Variants in SCRG1 observed in about 807,000 individuals in gnomAD.
SCRG1 encodes the protein stimulator of chondrogenesis 1.
Under a neutral mutation model 7.7 loss-of-function variants are expected in SCRG1, and 3 were observed. That is an observed-to-expected ratio of 0.39 (90% CI 0.18 to 1.01). SCRG1 has a LOEUF of 1.01. SCRG1 is among the 50% of genes least tolerant of loss of function. The pLI is 0.36. For missense variants in SCRG1, 110 were observed against 117.2 expected, an observed-to-expected ratio of 0.94 and a Z score of 0.28; for synonymous variants, 46 against 41.2, an observed-to-expected ratio of 1.12 and a Z score of -0.44.
At chr4:173,408,477 G>A (rs961349134), upstream of SCRG1, among the ~76,000 whole-genome samples, 1 of 152,098 alleles carries the variant, frequency 6.6e-6, no homozygotes, top group African/African-American at 2.4e-5. Context: ...TGGCTCAAGT[G>A]TAAATATCTT....
At chr4:173,508,696 C>T in the SCRG1 span, among the ~76,000 whole-genome samples, 1 of 152,190 alleles carries the variant, frequency 6.6e-6, no homozygotes, top group Non-Finnish European at 1.5e-5. The surrounding 1 kb of genome is among the most constrained non-coding windows in gnomAD (Gnocchi z 4.4). Flanking sequence ...TACATTTCCC[C>T]ACCTCCTACC....
At chr4:173,434,296 A>T in the SCRG1 span, among the ~76,000 whole-genome samples, 1 of 152,220 alleles carries the variant, frequency 6.6e-6, no homozygotes, top group Non-Finnish European at 1.5e-5. Context: ...GGGGGGTGGT[A>T]AAAAGTAGAA....
chr4:173,390,509 G>C (rs1293369533), intron 2 of SCRG1, among the ~76,000 whole-genome samples: 1 of 116,448 alleles, frequency 8.6e-6, no homozygotes, highest in Non-Finnish European at 1.7e-5. Flanking sequence ...TTTCACTCTT[G>C]TCACCCAGGC....
the SCRG1 span, among the ~76,000 whole-genome samples, chr4:173,478,625 G>C: frequency 6.6e-6 from 1 of 152,108 alleles, no homozygotes; most frequent in East Asian, 1.9e-4. Flanking sequence ...GGGAATTAAA[G>C]GCATGTACTC....
the SCRG1 span, among the ~76,000 whole-genome samples, chr4:173,478,778 G>A: frequency 3.3e-5 from 5 of 152,142 alleles, no homozygotes; most frequent in East Asian, 5.8e-4. Context: ...GGAAGATGAC[G>A]AAAGGAAAAT....
chr4:173,423,035 C>T, the SCRG1 span, among the ~76,000 whole-genome samples: 269 of 152,138 alleles, frequency 1.8e-3, no homozygotes, highest in African/African-American at 6.2e-3. Context: ...AAGGAGACTT[C>T]GGTGATTCAC....
the SCRG1 span, among the ~76,000 whole-genome samples, chr4:173,490,384 A>T: frequency 2.6e-5 from 4 of 152,278 alleles, no homozygotes; most frequent in South Asian, 4.1e-4. Context: ...TGGTTCAGGA[A>T]TTGCTTCATT....
the SCRG1 span, among the ~76,000 whole-genome samples, chr4:173,436,614 T>C: frequency 6.6e-6 from 1 of 151,622 alleles, no homozygotes; most frequent in Non-Finnish European, 1.5e-5. Flanking sequence ...CTATGGGTTC[T>C]TTTTTTTTGG....
At position 173,386,904 on chromosome 4, in the gene SCRG1, AG is replaced by A. The variant is rs1330199881; in HGVS notation, c.*1436del. 7.2e-5 allele frequency: 11 copies of A among 152,366 alleles called. No individual in the cohort carries two copies. Among genetic ancestry groups the A allele is most frequent in the African/African-American group, 2.4e-4 (10 of 41,590 alleles). The allele number at this position is 152,366 out of a possible 1,614,324, so 9.4% of individuals were successfully genotyped here. On this transcript the variant is annotated 3_prime_UTR_variant, in exon 3 of 3. Coordinates refer to ENST00000296506, the MANE Select transcript of SCRG1 (RefSeq NM_007281.4). ...CAGATCTTAATAATGGCTGGCACTT[AG>A]CAGGCTTTGAATACATTTTTATAAC...
At chr4:173,487,538 T>C in the SCRG1 span, among the ~76,000 whole-genome samples, 4 of 152,306 alleles carry the variant, frequency 2.6e-5, no homozygotes, top group Non-Finnish European at 4.4e-5. Flanking sequence ...TCCTTATTCA[T>C]TGAGAGTAAT....
chr4:173,508,876 T>C, the SCRG1 span, among the ~76,000 whole-genome samples: 34 of 152,124 alleles, frequency 2.2e-4, no homozygotes, highest in South Asian at 6.9e-3. This position sits in a 1 kb window ranked among gnomAD's most constrained non-coding sequence, Gnocchi z 4.4. Context: ...GCCGCTACAT[T>C]TGTTGGGCGG....
chr4:173,408,043 G>A (rs986757544), upstream of SCRG1, among the ~76,000 whole-genome samples: 1 of 152,108 alleles, frequency 6.6e-6, no homozygotes, highest in Admixed American at 6.5e-5. Context: ...ACTAAAACTT[G>A]CTCCCTTTAT....
chr4:173,436,882 C>T, the SCRG1 span, among the ~76,000 whole-genome samples: 1 of 152,168 alleles, frequency 6.6e-6, no homozygotes, highest in Admixed American at 6.5e-5. Flanking sequence ...CCCCTGGTGT[C>T]CCAGGTGTGT....
chr4:173,465,591 C>T, the SCRG1 span, among the ~76,000 whole-genome samples: 2 of 150,390 alleles, frequency 1.3e-5, no homozygotes, highest in Non-Finnish European at 3.0e-5. Flanking sequence ...GTTATTTGGC[C>T]TAGGTGAGGG....
the SCRG1 span, among the ~76,000 whole-genome samples, chr4:173,428,099 C>T: frequency 6.6e-6 from 1 of 152,054 alleles, no homozygotes; most frequent in Non-Finnish European, 1.5e-5. Flanking sequence ...TGGAACAGAG[C>T]AGGGATACAG....
the SCRG1 span, among the ~76,000 whole-genome samples, chr4:173,484,318 T>G: frequency 2.7e-5 from 2 of 74,866 alleles, no homozygotes; most frequent in Non-Finnish European, 4.5e-5. Context: ...TATTATATAT[T>G]TTATACATAA....
At chr4:173,485,233 A>T in the SCRG1 span, among the ~76,000 whole-genome samples, 1 of 34,612 alleles carries the variant, frequency 2.9e-5, no homozygotes, top group Admixed American at 4.0e-4. Context: ...TTTTTTTTTT[A>T]AAAAGGAATG....
At chr4:173,432,238 CCTTT>C in the SCRG1 span, among the ~76,000 whole-genome samples, 1 of 137,578 alleles carries the variant, frequency 7.3e-6, no homozygotes, top group African/African-American at 2.6e-5. Flanking sequence ...GTCCTTCTTT[CCTTT>C]CTTCCTTCTT....
At chr4:173,401,403 C>T (rs1010842325), upstream of SCRG1, among the ~76,000 whole-genome samples, 11 of 152,080 alleles carry the variant, frequency 7.2e-5, no homozygotes, top group African/African-American at 1.2e-4. Context: ...AAGAGCTATC[C>T]GTCCTGTTTA....
Sources: gnomAD v4.1 joint callset for allele counts (sites outside exome capture counted in the v4.1 genomes callset) on GRCh38, gnomAD v4.1.1 for gene constraint, Gnocchi (gnomAD v3.1) non-coding constraint, MANE v1.5 for transcripts, NCBI Gene and HGNC (gene_info 2026-07-23, HGNC 2026-07-21) for gene names.